Variants in ERO1A observed in about 807,000 individuals in gnomAD.
ERO1A encodes the protein ERO1-like protein alpha.
Under a neutral mutation model 76.9 loss-of-function variants are expected in ERO1A, and 49 were observed. The ratio of observed to expected loss-of-function variants is 0.64; its 90% CI spans 0.51 to 0.81. The LOEUF (loss-of-function observed/expected upper bound fraction) is 0.81. ERO1A is among the 30% of genes least tolerant of loss of function. ERO1A has a pLI of 0.00. For synonymous variants in ERO1A, 174 were observed against 181.2 expected (o/e 0.96, Z 0.32); for missense variants, 448 against 542.1 (o/e 0.83, Z 1.72).
rs1294626958 is a variant in ERO1A, at chr14:52,640,509, G to C, written c.*3061C>G. 1 of 152,224 alleles carries C rather than the reference G, an allele frequency of 6.6e-6. No individual in the cohort carries two copies. The highest frequency in any genetic ancestry group is 2.4e-5 in the African/African-American group (1 of 41,470). The allele number at this position is 152,224 out of a possible 1,614,324, so 9.4% of individuals were successfully genotyped here. ...CTTGTACACCAAACAGAGGAGTTTG[G>C]CTTTCTCCTGAAAGTTCCTGAAGTC... On this transcript the variant is annotated 3_prime_UTR_variant, in exon 16 of 16. Transcript: ENST00000395686.
At chr14:52,659,398 A>AG (rs1350833622) in intron 9 of ERO1A, among the ~76,000 whole-genome samples, 1 of 152,160 alleles carries the variant, frequency 6.6e-6, no homozygotes, top group East Asian at 1.9e-4. Flanking sequence ...TATATAGAAA[A>AG]CATAAATATC....
intron 9 of ERO1A, among the ~76,000 whole-genome samples, chr14:52,660,549 C>T (rs1414184191): frequency 1.3e-5 from 2 of 152,128 alleles, no homozygotes; most frequent in Non-Finnish European, 2.9e-5. Context: ...TTAGCTGCTA[C>T]AGTTAATATA....
rs139711824 is a variant in ERO1A at position 52,660,256 on chromosome 14, A to G, written c.688+1037T>C. On this transcript the variant is annotated intron_variant, in intron 9 of 15. Transcript: ENST00000395686. ...ACCCTTTGATATTTGGCCAAAATCAATACTTATAATAAGACAGTTTCTCTA... is the reference window on the plus strand; with the variant it reads ...ACCCTTTGATATTTGGCCAAAATCAGTACTTATAATAAGACAGTTTCTCTA... Among the ~76,000 whole-genome samples the G allele has an allele frequency of 1.1e-4, 16 of 152,366 alleles. No individual in the cohort carries two copies. In the East Asian group the frequency reaches 3.1e-3, roughly 29 times the overall value.
Position 52,640,613 on chromosome 14 carries a change from G to T in ERO1A, c.*2957C>A, listed in dbSNP as rs2039439020. 1 of 152,232 alleles carries T rather than the reference G, an allele frequency of 6.6e-6. No homozygotes were observed. The highest frequency in any genetic ancestry group is 2.4e-5 in the African/African-American group (1 of 41,454). 9.4% of individuals were successfully genotyped at this position (152,232 alleles called of 1,614,324 possible). The stretch of plus-strand genomic sequence containing the variant: ...TGGTAACATTGAGCAACAGAGAGGA[G>T]ACCAGCTAGGTATAGGAGGCAGGTT... On this transcript the variant is annotated 3_prime_UTR_variant, in exon 16 of 16. Coordinates refer to ENST00000395686, the MANE Select transcript of ERO1A (RefSeq NM_014584.3).
chr14:52,660,445 C>T (rs2139673665), intron 9 of ERO1A, among the ~76,000 whole-genome samples: 1 of 152,256 alleles, frequency 6.6e-6, no homozygotes, highest in African/African-American at 2.4e-5. Context: ...ATCATAGAAT[C>T]ACATGTACCA....
rs2139599139 is a variant in ERO1A, at chr14:52,640,426, T to TGAA, written c.*3141_*3143dup. On this transcript the variant is annotated 3_prime_UTR_variant, in exon 16 of 16. Coordinates refer to ENST00000395686, the MANE Select transcript of ERO1A (RefSeq NM_014584.3). The stretch of plus-strand genomic sequence containing the variant: ...GGGAGGCCTGGCCAAATGTGGCTTC[T>TGAA]GAAGAAGTGTAAGTCTGTTTCACCA... 6.6e-6 allele frequency: 1 copy of TGAA among 152,344 alleles called. No homozygotes were observed. Among genetic ancestry groups the TGAA allele is most frequent in the African/African-American group, 2.4e-5 (1 of 41,574 alleles). 9.4% of individuals were successfully genotyped at this position (152,344 alleles called of 1,614,324 possible).
chr14:52,678,586 T>C, intron 3 of ERO1A, 114 bp from the exon 4 acceptor site: 2 of 890,844 alleles, frequency 2.2e-6, no homozygotes, highest in East Asian at 2.6e-5. Context: ...CGAAGTTGGA[T>C]TTTTTAACAG....
chr14:52,664,580 T>C (rs1217462517), intron 7 of ERO1A, among the ~76,000 whole-genome samples: 1 of 152,232 alleles, frequency 6.6e-6, no homozygotes, highest in Non-Finnish European at 1.5e-5. Context: ...ACATTGTTTA[T>C]ATTGTTAGAA....
At chr14:52,650,198 G>A (rs979084136) in intron 13 of ERO1A, among the ~76,000 whole-genome samples, 13 of 151,676 alleles carry the variant, frequency 8.6e-5, no homozygotes, top group Non-Finnish European at 2.9e-5. Context: ...CAACTCTGGT[G>A]ATAAAATAAG....
chr14:52,644,867 T>C (rs2039592713), intron 15 of ERO1A, among the ~76,000 whole-genome samples: 1 of 152,138 alleles, frequency 6.6e-6, no homozygotes, highest in Non-Finnish European at 1.5e-5. Context: ...ATCTAGCCCT[T>C]GGATGCTAGA....
At chr14:52,663,576 G>A (rs2040302248) in intron 8 of ERO1A, among the ~76,000 whole-genome samples, 1 of 151,306 alleles carries the variant, frequency 6.6e-6, no homozygotes, top group Non-Finnish European at 1.5e-5. Flanking sequence ...CTCCAGCCTG[G>A]GTGACAGAGC....
chr14:52,688,353 C>T (rs773707866), intron 1 of ERO1A, among the ~76,000 whole-genome samples: 1 of 152,162 alleles, frequency 6.6e-6, no homozygotes, highest in Non-Finnish European at 1.5e-5. Flanking sequence ...TAACATCAGA[C>T]CTCCTTAGGT....
intron 1 of ERO1A, 24 bp from the exon 2 acceptor site, chr14:52,683,931 T>G: frequency 6.4e-7 from 1 of 1,551,804 alleles, no homozygotes; most frequent in Non-Finnish European, 8.7e-7. Flanking sequence ...AATGAAATAT[T>G]AAATTGAAAT....
At chr14:52,663,910 T>C (rs1450446063) in intron 7 of ERO1A, 63 bp from the exon 8 acceptor site, 1 of 965,510 alleles carries the variant, frequency 1.0e-6, no homozygotes, top group Non-Finnish European at 1.6e-6. Flanking sequence ...TATATTTAAG[T>C]GATATTATCT....
chr14:52,680,357 A>G (rs1370921060), intron 3 of ERO1A, among the ~76,000 whole-genome samples: 2 of 152,208 alleles, frequency 1.3e-5, no homozygotes, highest in African/African-American at 4.8e-5. Flanking sequence ...GATGGAATCA[A>G]TAAGCTATTA....
At chr14:52,646,586 C>T (rs965346106) in intron 13 of ERO1A, 125 bp from the exon 14 acceptor site, 3 of 637,658 alleles carry the variant, frequency 4.7e-6, no homozygotes, top group African/African-American at 1.8e-5. Flanking sequence ...ATGAGAACAG[C>T]ACTAATATTC....
chr14:52,679,524 T>A (rs2040917691), intron 3 of ERO1A, among the ~76,000 whole-genome samples: 1 of 151,938 alleles, frequency 6.6e-6, no homozygotes, highest in South Asian at 2.1e-4. Context: ...ATGATTCTTG[T>A]ACCTCAGCCT....
At chr14:52,667,497 T>A (rs535931470) in intron 6 of ERO1A, among the ~76,000 whole-genome samples, 2 of 152,312 alleles carry the variant, frequency 1.3e-5, no homozygotes, top group Non-Finnish European at 2.9e-5. Flanking sequence ...GGGGGCAGAC[T>A]GCTTGAGCCC....
At chr14:52,652,481 G>A (rs528324945) in intron 12 of ERO1A, among the ~76,000 whole-genome samples, 173 bp from the exon 13 acceptor site, 1 of 152,018 alleles carries the variant, frequency 6.6e-6, no homozygotes, top group African/African-American at 2.4e-5. Flanking sequence ...GATTCTAACT[G>A]CGTAATACAG....
Sources: gnomAD v4.1 joint callset for allele counts (sites outside exome capture counted in the v4.1 genomes callset) on GRCh38, gnomAD v4.1.1 for gene constraint, MANE v1.5 for transcripts, NCBI Gene and HGNC (gene_info 2026-07-23, HGNC 2026-07-21) for gene names.